COL16A1: variants seen among roughly 807,000 people sequenced by gnomAD.
The protein encoded by COL16A1 is collagen type XVI alpha 1 chain, also known as collagen alpha-1(XVI) chain.
In COL16A1, 189 loss-of-function variants were observed where a neutral mutation model predicts 266.3. That is an observed-to-expected ratio of 0.71 (90% confidence interval 0.63 to 0.80). The LOEUF (loss-of-function observed/expected upper bound fraction) is 0.80. Ranked by LOEUF, COL16A1 falls within the 30% of genes least tolerant of loss-of-function variation. The pLI is 0.00. For missense variants in COL16A1, 1,928 were observed against 2,122.4 expected (o/e 0.91, Z 1.80); for synonymous variants, 740 against 782.3 (o/e 0.95, Z 0.90).
chr1:31,680,577 C>T (rs750421354), intron 39 of COL16A1, among the ~76,000 whole-genome samples: 2 of 152,186 alleles, frequency 1.3e-5, no homozygotes, highest in African/African-American at 2.4e-5. Context: ...TCTGACTCAG[C>T]CCCCATTTGA....
intron 23 of COL16A1, chr1:31,689,505 A>T: frequency 1.7e-6 from 1 of 580,494 alleles, no homozygotes; most frequent in Non-Finnish European, 3.1e-6. Flanking sequence ...GGCACCCTAG[A>T]GTCTCCTGGA....
chr1:31,666,141 G>C, intron 52 of COL16A1, 60 bp from the exon 53 acceptor site: 1 of 1,549,244 alleles, frequency 6.5e-7, no homozygotes, highest in Non-Finnish European at 8.8e-7. Context: ...GATGAGGTAG[G>C]GGGATGTGAC....
intron 13 of COL16A1, 36 bp from the exon 14 acceptor site, chr1:31,692,844 T>C (rs1330104100): frequency 6.3e-7 from 1 of 1,594,728 alleles, no homozygotes; most frequent in Non-Finnish European, 8.6e-7. Flanking sequence ...GGGTGGGAAC[T>C]CCTGGGGAAG....
Position 31,670,638 on chromosome 1 carries a change from TG to T in COL16A1, c.3158del (p.Pro1053GlnfsTer24). 2.8e-6 allele frequency: 4 copies of T among 1,426,992 alleles called. No individual in the cohort carries two copies. Among genetic ancestry groups the T allele is most frequent in the Admixed American group, 3.8e-5 (1 of 26,336 alleles). The allele number at this position is 1,426,992 out of a possible 1,614,324, so 88.4% of individuals were successfully genotyped here. On this transcript the variant is annotated frameshift_variant, in exon 49 of 71. Transcript: ENST00000373672. LOFTEE classifies it high-confidence loss of function. The surrounding 1 kb of genome is among the most constrained non-coding windows in gnomAD (Gnocchi z 4.5). ...SPGPPGPIGP[P>X]GFPGAVGSPG... ...GGGAGCCAACAGCACCAGGAAAACC[TG>T]GGGGGCCCTGGTGGGAGAAACAGGC...
intron 44 of COL16A1, 37 bp downstream of exon 44, chr1:31,674,970 C>T (rs1189474159): frequency 1.9e-6 from 3 of 1,607,046 alleles, no homozygotes; most frequent in Non-Finnish European, 2.6e-6. Context: ...GGAGACACCC[C>T]CGCCAGCTCA....
intron 36 of COL16A1, 91 bp downstream of exon 36, chr1:31,683,103 T>C: frequency 2.5e-6 from 4 of 1,608,814 alleles, no homozygotes; most frequent in Non-Finnish European, 3.4e-6. Context: ...AGCCCTCTGA[T>C]AGGCATCACT....
intron 70 of COL16A1, 41 bp downstream of exon 70, chr1:31,653,558 G>C: frequency 6.3e-7 from 1 of 1,592,510 alleles, no homozygotes; most frequent in South Asian, 1.1e-5. Context: ...AGGGGTCTCT[G>C]CTGCTCTGGA....
intron 20 of COL16A1, 80 bp downstream of exon 20, chr1:31,691,108 G>A: frequency 1.3e-6 from 2 of 1,554,860 alleles, no homozygotes; most frequent in Non-Finnish European, 1.7e-6. Flanking sequence ...CTTCCCCTGT[G>A]GGAAGCTGCC....
In COL16A1 at chr1:31,670,681, G is replaced by A. The variant is rs377373257; in HGVS notation, c.3151-35C>T. On this transcript the variant is annotated intron_variant, in intron 48 of 70. Transcript: ENST00000373672. The surrounding 1 kb of genome is among the most constrained non-coding windows in gnomAD (Gnocchi z 4.5). ...GAAACAGGCAGGTCACATCTCACAGGCACAGTAACCCTGGGACAGCCTGGA... is the reference window on the plus strand; with the variant it reads ...GAAACAGGCAGGTCACATCTCACAGACACAGTAACCCTGGGACAGCCTGGA... 7.0e-7 allele frequency: 1 copy of A among 1,423,434 alleles called. No homozygotes were observed. The highest frequency in any genetic ancestry group is 9.2e-7 in the Non-Finnish European group (1 of 1,090,234). 88.2% of individuals were successfully genotyped at this position (1,423,434 alleles called of 1,614,324 possible). A position where few individuals can be genotyped will look rare whatever the true frequency, so the allele number is the denominator to read the frequency against.
intron 1 of COL16A1, 59 bp from the exon 2 acceptor site, chr1:31,702,286 C>A (rs573978196): frequency 7.0e-6 from 11 of 1,569,428 alleles, no homozygotes; most frequent in South Asian, 3.4e-5. Flanking sequence ...CAACTCCACA[C>A]GTGGGCAAGT....
intron 52 of COL16A1, among the ~76,000 whole-genome samples, chr1:31,667,262 G>A (rs1158503452): frequency 6.6e-6 from 1 of 152,242 alleles, no homozygotes; most frequent in Admixed American, 6.5e-5. Context: ...CGTGGGGCCT[G>A]GCAGGCCTTG....
chr1:31,694,044 G>A lies in COL16A1; in HGVS notation c.1008+100C>T, dbSNP rs1034903394. 10 of 1,105,968 alleles carry A rather than the reference G, an allele frequency of 9.0e-6. No homozygotes were observed. In the African/African-American group the frequency reaches 1.1e-4, roughly 12 times the overall value. The allele number at this position is 1,105,968 out of a possible 1,614,324, so 68.5% of individuals were successfully genotyped here. On this transcript the variant is annotated intron_variant, in intron 12 of 70. Transcript: ENST00000373672. ...TCACCCTACACACATACAGGCTCAG[G>A]TGGCCCTGATAGAAACACACAGCCA...
intron 67 of COL16A1, 130 bp from the exon 68 acceptor site, chr1:31,654,988 T>C: frequency 6.4e-6 from 9 of 1,415,008 alleles, no homozygotes; most frequent in Non-Finnish European, 8.4e-6. Flanking sequence ...TTTTTTTTTT[T>C]TTTTTTTTTT....
chr1:31,657,083 G>A lies in COL16A1; in HGVS notation c.4021-15C>T. On this transcript the variant is annotated splice_polypyrimidine_tract_variant and intron_variant, in intron 64 of 70. Transcript: ENST00000373672. The surrounding 1 kb of genome is among the most constrained non-coding windows in gnomAD (Gnocchi z 6.4). Reference sequence around the variant, plus strand: ...CCAGGTTCGCCCTGGGGAGTAGAGAGCAATGGAGACATGAGGAGCTCCAAC... The same window carrying A: ...CCAGGTTCGCCCTGGGGAGTAGAGAACAATGGAGACATGAGGAGCTCCAAC... 6.2e-7 allele frequency: 1 copy of A among 1,614,194 alleles called. No individual in the cohort carries two copies. The highest frequency in any genetic ancestry group is 8.5e-7 in the Non-Finnish European group (1 of 1,180,032).
Position 31,685,006 on chromosome 1 carries a change from A to G in COL16A1, c.2017-150T>C. On this transcript the variant is annotated intron_variant, in intron 29 of 70. Coordinates refer to ENST00000373672, the MANE Select transcript of COL16A1 (RefSeq NM_001856.4). This position sits in a 1 kb window ranked among gnomAD's most constrained non-coding sequence, Gnocchi z 4.0. Reference sequence around the variant, plus strand: ...AAGCAATCTTGCCCAGGTGCAGAGCAAAGATTTGTGCCAGACTCTTTGCCT... The same window carrying G: ...AAGCAATCTTGCCCAGGTGCAGAGCGAAGATTTGTGCCAGACTCTTTGCCT... 6.7e-7 allele frequency: 1 copy of G among 1,486,774 alleles called. No individual in the cohort carries two copies. The highest frequency in any genetic ancestry group is 9.1e-7 in the Non-Finnish European group (1 of 1,097,472). The allele number at this position is 1,486,774 out of a possible 1,614,324, so 92.1% of individuals were successfully genotyped here. A position where few individuals can be genotyped will look rare whatever the true frequency, so the allele number is the denominator to read the frequency against.
chr1:31,684,729 AG>A (rs1643887400), intron 30 of COL16A1, 91 bp downstream of exon 30: 2 of 1,609,224 alleles, frequency 1.2e-6, no homozygotes, highest in Non-Finnish European at 1.7e-6. Context: ...GCCGGGGCTG[AG>A]GGTTGGGGGC....
chr1:31,684,183 T>C lies in COL16A1; in HGVS notation c.2209A>G (p.Met737Val), dbSNP rs1322288638. The change falls in exon 32 of 71, where the codon ATG becomes GTG. Residue 737 changes from methionine (M) to valine (V), a missense_variant. Physicochemically the swap from Met to Val is conservative, Grantham distance 21. This residue lies in a region of COL16A1 where 1,552 missense variants were observed against 1,637.2 expected (regional missense o/e 0.95). Coordinates refer to ENST00000373672, the MANE Select transcript of COL16A1 (RefSeq NM_001856.4). Reference protein sequence around the residue: ...CPSLQGTVTDMAGRPGQPGPK... With the variant: ...CPSLQGTVTDVAGRPGQPGPK... ...CCGGGCTGCCCAGGCCGTCCTGCCATGTCTGTCACTGTCCCCTGCAGGCTG... is the reference window on the plus strand; with the variant it reads ...CCGGGCTGCCCAGGCCGTCCTGCCACGTCTGTCACTGTCCCCTGCAGGCTG... 4 of 1,540,756 alleles carry C rather than the reference T, an allele frequency of 2.6e-6. No individual in the cohort carries two copies. Among genetic ancestry groups the C allele is most frequent in the East Asian group, 2.4e-5 (1 of 40,860 alleles).
chr1:31,688,329 C>T lies in COL16A1; in HGVS notation c.1803+138G>A. The T allele has an allele frequency of 4.1e-6, 4 of 967,590 alleles. No individual in the cohort carries two copies. The highest frequency in any genetic ancestry group is 6.5e-6 in the Non-Finnish European group (4 of 613,646). 59.9% of individuals were successfully genotyped at this position (967,590 alleles called of 1,614,324 possible). On this transcript the variant is annotated intron_variant, in intron 26 of 70. Transcript: ENST00000373672. This position sits in a 1 kb window ranked among gnomAD's most constrained non-coding sequence, Gnocchi z 4.9. The stretch of plus-strand genomic sequence containing the variant: ...AATTCTTTGACTCAAGTCTGCAAAA[C>T]ACTAGTAAATTAATTTCACTGTGAA...
In COL16A1 at chr1:31,661,056, T is replaced by G. The variant is rs1283108001; in HGVS notation, c.3825+10A>C. On this transcript the variant is annotated intron_variant, in intron 61 of 70. Coordinates refer to ENST00000373672, the MANE Select transcript of COL16A1 (RefSeq NM_001856.4). The stretch of plus-strand genomic sequence containing the variant: ...AACTGAAGGCAGCCATGTGGATCCC[T>G]GGCCCTCACCTCTGCGCCAGGCCGG... The G allele has an allele frequency of 6.4e-7, 1 of 1,559,990 alleles. No individual in the cohort carries two copies. The highest frequency in any genetic ancestry group is 1.2e-5 in the South Asian group (1 of 84,578).
Sources: allele counts gnomAD v4.1 joint callset (sites outside exome capture counted in the v4.1 genomes callset), GRCh38; gene constraint gnomAD v4.1.1; regional missense constraint gnomAD v4.1.1; non-coding constraint Gnocchi (gnomAD v3.1); transcripts MANE v1.5; gene names NCBI Gene and HGNC (gene_info 2026-07-23, HGNC 2026-07-21).